SPAG16: variants seen among roughly 807,000 people sequenced by gnomAD.
SPAG16 encodes sperm associated antigen 16, also known as sperm-associated antigen 16 protein.
A neutral mutation model predicts 80.4 loss-of-function variants in SPAG16; 86 were observed. That is an observed-to-expected ratio of 1.07 (90% CI 0.90 to 1.28). The LOEUF is 1.28. SPAG16 is among the 50% of genes most tolerant of loss of function. The probability of loss-of-function intolerance (pLI) is 0.00; values close to 1 mark genes in which losing one functional copy is unlikely to be tolerated. For synonymous variants in SPAG16, 294 were observed against 265.9 expected (o/e 1.11, Z -1.03); for missense variants, 870 against 765.3 (o/e 1.14, Z -1.61).
intron 10 of SPAG16, among the ~76,000 whole-genome samples, chr2:213,712,971 G>A (rs1029259978): frequency 6.6e-6 from 1 of 152,070 alleles, no homozygotes; most frequent in African/African-American, 2.4e-5. Context: ...ACAGTTCCAC[G>A]TGGTTGGGGA....
intron 10 of SPAG16, among the ~76,000 whole-genome samples, chr2:213,697,066 G>A (rs919897192): frequency 6.6e-6 from 1 of 152,148 alleles, no homozygotes; most frequent in African/African-American, 2.4e-5. Flanking sequence ...TTGAGGGATA[G>A]AACTTTGACG....
intron 15 of SPAG16, among the ~76,000 whole-genome samples, chr2:214,374,824 G>A (rs1317564666): frequency 6.6e-6 from 1 of 152,168 alleles, no homozygotes; most frequent in Non-Finnish European, 1.5e-5. Flanking sequence ...TAGCTCATTA[G>A]ATGGTTTTTA....
At chr2:214,062,874 C>T (rs368159530) in intron 13 of SPAG16, among the ~76,000 whole-genome samples, 12 of 152,048 alleles carry the variant, frequency 7.9e-5, no homozygotes, top group African/African-American at 2.9e-4. Context: ...ACAACATCTC[C>T]TATGATTCTC....
chr2:213,730,133 G>A (rs1231450296), intron 10 of SPAG16, among the ~76,000 whole-genome samples: 1 of 152,098 alleles, frequency 6.6e-6, no homozygotes, highest in Non-Finnish European at 1.5e-5. Context: ...GATTAAGCTC[G>A]TCCACTTTGC....
intron 9 of SPAG16, among the ~76,000 whole-genome samples, chr2:213,396,179 T>C (rs1203519278): frequency 6.6e-6 from 1 of 152,198 alleles, no homozygotes; most frequent in Admixed American, 6.5e-5. Context: ...GTCTTATACC[T>C]TTATTTATCC....
rs1023538170 is a variant in SPAG16, at chr2:214,403,380, T to C, written c.1721-6760T>C. On this transcript the variant is annotated intron_variant, in intron 15 of 15. Coordinates refer to ENST00000331683, the MANE Select transcript of SPAG16 (RefSeq NM_024532.5). ...GATATATATTTATACTTATTAATTA[T>C]ATACATATAAAATATATGTTAAAAT... Among the ~76,000 whole-genome samples the C allele has an allele frequency of 2.0e-5, 3 of 149,032 alleles. No homozygotes were observed. In the Admixed American group the frequency reaches 2.0e-4, roughly 10 times the overall value.
intron 10 of SPAG16, among the ~76,000 whole-genome samples, chr2:213,624,645 T>G (rs1031602817): frequency 6.6e-6 from 1 of 152,244 alleles, no homozygotes; most frequent in African/African-American, 2.4e-5. Flanking sequence ...TACATTTGTC[T>G]GAACCAAGTT....
chr2:213,924,046 G>A (rs1338551604), intron 11 of SPAG16: 6 of 152,520 alleles, frequency 3.9e-5, no homozygotes, highest in African/African-American at 1.2e-4. Flanking sequence ...GGGGTGGGTG[G>A]AGTGGCAGGC....
At chr2:213,992,901 C>A (rs1234894833) in intron 12 of SPAG16, among the ~76,000 whole-genome samples, 1 of 152,154 alleles carries the variant, frequency 6.6e-6, no homozygotes, top group African/African-American at 2.4e-5. Context: ...GCTGACCAGT[C>A]GTGTAATGAA....
chr2:214,253,880 A>T (rs1690486886), intron 15 of SPAG16, among the ~76,000 whole-genome samples: 1 of 152,162 alleles, frequency 6.6e-6, no homozygotes, highest in African/African-American at 2.4e-5. Context: ...TTGAATCTAT[A>T]AATTACTTTG....
At chr2:213,705,253 TAAG>T (rs2065690981) in intron 10 of SPAG16, among the ~76,000 whole-genome samples, 1 of 134,238 alleles carries the variant, frequency 7.4e-6, no homozygotes, top group Non-Finnish European at 1.6e-5. Context: ...GTCTCAAAAA[TAAG>T]AAAGAAAGAG....
At chr2:213,892,706 C>G (rs552012359) in intron 11 of SPAG16, among the ~76,000 whole-genome samples, 1 of 151,958 alleles carries the variant, frequency 6.6e-6, no homozygotes, top group Non-Finnish European at 1.5e-5. Context: ...AGAATGACCA[C>G]GCAGATGAAA....
In SPAG16 at chr2:213,942,340, A is replaced by T. The variant is rs542975020; in HGVS notation, c.1400+12195A>T. Among the ~76,000 whole-genome samples, 103 of 152,304 alleles carry T rather than the reference A, an allele frequency of 6.8e-4. 4 individuals carry two copies. The South Asian group carries it at 8.5e-3, about 13-fold the overall frequency. ...ATCAATTAACTTACTACAATGTGAG[A>T]TGAGTATTTCACACCTTCCTCCTCC... On this transcript the variant is annotated intron_variant, in intron 12 of 15. Transcript: ENST00000331683.
chr2:214,111,097 G>T (rs1426479736), intron 14 of SPAG16, among the ~76,000 whole-genome samples: 1 of 152,030 alleles, frequency 6.6e-6, no homozygotes, highest in African/African-American at 2.4e-5. Flanking sequence ...TCACTCTGAT[G>T]GTAGTTTCTT....
At chr2:213,681,087 G>T (rs538145423) in intron 10 of SPAG16, among the ~76,000 whole-genome samples, 1 of 152,256 alleles carries the variant, frequency 6.6e-6, no homozygotes, top group African/African-American at 2.4e-5. Flanking sequence ...AGACCTAAAA[G>T]GGTACCTGGC....
At chr2:214,234,172 G>A (rs1688912631) in intron 15 of SPAG16, among the ~76,000 whole-genome samples, 1 of 152,082 alleles carries the variant, frequency 6.6e-6, no homozygotes, top group Non-Finnish European at 1.5e-5. Flanking sequence ...CCTTACTGAG[G>A]ATAATTGCTT....
intron 15 of SPAG16, among the ~76,000 whole-genome samples, chr2:214,367,339 G>A (rs1699538986): frequency 6.6e-6 from 1 of 152,082 alleles, no homozygotes; most frequent in Admixed American, 6.6e-5. Flanking sequence ...AGCTGCACTT[G>A]TACTGACTGA....
At chr2:213,460,508 A>G (rs1233980107) in intron 9 of SPAG16, among the ~76,000 whole-genome samples, 1 of 152,190 alleles carries the variant, frequency 6.6e-6, no homozygotes, top group Non-Finnish European at 1.5e-5. Context: ...GGGAACCTCA[A>G]TCAGGAATAA....
chr2:213,751,578 C>T (rs1309797296), intron 10 of SPAG16, among the ~76,000 whole-genome samples: 1 of 152,188 alleles, frequency 6.6e-6, no homozygotes, highest in Non-Finnish European at 1.5e-5. Context: ...CTCCTGTTGT[C>T]ACCCCAACCT....
Sources: gnomAD v4.1 joint callset for allele counts (sites outside exome capture counted in the v4.1 genomes callset) on GRCh38, gnomAD v4.1.1 for gene constraint, MANE v1.5 for transcripts, NCBI Gene and HGNC (gene_info 2026-07-23, HGNC 2026-07-21) for gene names.